Variants in OAS2 observed in about 807,000 individuals in gnomAD.
OAS2 encodes the protein 2'-5'-oligoadenylate synthase 2.
In OAS2, 67 loss-of-function variants were observed where a neutral mutation model predicts 71.3. The ratio of observed to expected loss-of-function variants is 0.94; its 90% CI spans 0.77 to 1.15. The LOEUF (loss-of-function observed/expected upper bound fraction) is 1.15, where lower values mean the gene tolerates loss of function less well. Among genes scored for constraint, OAS2 ranks in the 50% most tolerant of loss-of-function variants. The pLI, the probability that OAS2 is intolerant of heterozygous loss-of-function variation, is 0.00. For synonymous variants in OAS2, 327 were observed against 321.8 expected (o/e 1.02, Z -0.17); for missense variants, 789 against 822.5 (o/e 0.96, Z 0.50).
chr12:112,993,059 GCTC>G (rs1350207995), intron 2 of OAS2, among the ~76,000 whole-genome samples: 4 of 152,100 alleles, frequency 2.6e-5, no homozygotes, highest in Admixed American at 6.6e-5. Context: ...ATTATTATAA[GCTC>G]CTTTTTCTGC....
chr12:112,998,406 T>C lies in OAS2; in HGVS notation c.1004T>C (p.Val335Ala). 1 of 1,609,512 alleles carries C rather than the reference T, an allele frequency of 6.2e-7. No homozygotes were observed. Among genetic ancestry groups the C allele is most frequent in the Non-Finnish European group, 8.5e-7 (1 of 1,178,782 alleles). ...DNELPAPSWNVLPAPLFTTPG... is the reference protein window; with the variant it reads ...DNELPAPSWNALPAPLFTTPG... The stretch of plus-strand genomic sequence containing the variant: ...GAGTTACCTGCACCATCTTGGAATG[T>C]TCTGGTAAGAGGGTTTTCCAAATAC... The change falls in exon 5 of 10, where the codon GTT (valine) becomes GCT (alanine). Residue 335 changes from valine (V) to alanine (A), a missense_variant. Val to Ala is a moderately conservative substitution (Grantham distance 64). Transcript: ENST00000392583.
chr12:112,992,699 G>T (rs1593199237), intron 2 of OAS2, among the ~76,000 whole-genome samples: 2 of 152,268 alleles, frequency 1.3e-5, no homozygotes, highest in African/African-American at 4.8e-5. Context: ...GTACCAGTTT[G>T]GGAGGTTGGC....
intron 1 of OAS2, among the ~76,000 whole-genome samples, chr12:112,979,999 C>T (rs897836345): frequency 6.6e-6 from 1 of 152,122 alleles, no homozygotes; most frequent in African/African-American, 2.4e-5. Context: ...TGCTTTAGTG[C>T]GTGGTTTCTC....
At chr12:113,002,848 A>T in intron 5 of OAS2, 84 bp from the exon 6 acceptor site, 1 of 1,227,896 alleles carries the variant, frequency 8.1e-7, no homozygotes, top group Non-Finnish European at 1.2e-6. Context: ...GAGGCAGGGT[A>T]GGGGGCCCAG....
chr12:113,004,829 T>G (rs1164317101), intron 6 of OAS2, 105 bp from the exon 7 acceptor site: 1 of 1,120,222 alleles, frequency 8.9e-7, no homozygotes, highest in Non-Finnish European at 1.3e-6. Context: ...ACGCAGAACT[T>G]GGCCTTGGAA....
chr12:112,983,947 C>T (rs1039828005), intron 1 of OAS2, among the ~76,000 whole-genome samples: 7 of 152,322 alleles, frequency 4.6e-5, no homozygotes, highest in Non-Finnish European at 1.0e-4. Flanking sequence ...AAATAATCTG[C>T]AAATATTCAT....
At position 113,007,893 on chromosome 12, in the gene OAS2, T is replaced by C. The variant is rs548699707; in HGVS notation, c.1845T>C (p.Phe615=). The change falls in exon 9 of 10, where the codon TTT becomes TTC. Residue 615 remains phenylalanine (F), a synonymous_variant. Coordinates refer to ENST00000392583, the MANE Select transcript of OAS2 (RefSeq NM_002535.3). ...TCTTCTGGAAGGTCAATTACAACTT[T>C]GAAGATGAGACCGTGAGGAAGTTTC... is the stretch of plus-strand genomic sequence containing the variant. ...LCIFWKVNYN[F]EDETVRKFLL... The C allele has an allele frequency of 6.2e-7, 1 of 1,614,144 alleles. No homozygotes were observed. Among genetic ancestry groups the C allele is most frequent in the South Asian group, 1.1e-5 (1 of 91,086 alleles).
Position 113,009,083 on chromosome 12 carries a change from T to G in OAS2, c.1896-4T>G, listed in dbSNP as rs1396452382. 6.2e-7 allele frequency: 1 copy of G among 1,612,504 alleles called. No individual in the cohort carries two copies. Among genetic ancestry groups the G allele is most frequent in the African/African-American group, 1.3e-5 (1 of 74,844 alleles). On this transcript the variant is annotated splice_region_variant and splice_polypyrimidine_tract_variant and intron_variant, in intron 9 of 9. Transcript: ENST00000392583. ...CTCCTAATGCCTTCTAACCTCTCATTCAGGCCTGTGATCTTGGACCCAGCC... is the reference window on the plus strand; with the variant it reads ...CTCCTAATGCCTTCTAACCTCTCATGCAGGCCTGTGATCTTGGACCCAGCC...
chr12:113,005,903 A>AAACAACAACAACAACAAC (rs576604857), intron 7 of OAS2, among the ~76,000 whole-genome samples: 3 of 46,628 alleles, frequency 6.4e-5, no homozygotes, highest in African/African-American at 4.3e-4. Context: ...AAAAAGCAAA[A>AAACAACAACAACAACAAC]AACAACAACA....
Position 113,002,971 on chromosome 12 carries a change from AAGTTCATCAAGGAGTTTCTCC to A in OAS2, c.1051_1071del (p.Phe351_Gln357del). On this transcript the variant is annotated inframe_deletion, in exon 6 of 10. Transcript: ENST00000392583. ...CACGACCCCAGGCCACCTTCTGGATAAGTTCATCAAGGAGTTTCTCCAGCCCAACAAATGCTTCCTAGAGCA... is the reference window on the plus strand; with the variant it reads ...CACGACCCCAGGCCACCTTCTGGATAAGCCCAACAAATGCTTCCTAGAGCA... 1 of 1,614,074 alleles carries A rather than the reference AAGTTCATCAAGGAGTTTCTCC, an allele frequency of 6.2e-7. No homozygotes were observed. Among genetic ancestry groups the A allele is most frequent in the Non-Finnish European group, 8.5e-7 (1 of 1,179,974 alleles).
Position 112,998,381 on chromosome 12 carries a change from G to A in OAS2, c.979G>A (p.Glu327Lys), listed in dbSNP as rs1593202286. 3.7e-6 allele frequency: 6 copies of A among 1,611,616 alleles called. No individual in the cohort carries two copies. The highest frequency in any genetic ancestry group is 5.1e-6 in the Non-Finnish European group (6 of 1,179,462). The change falls in exon 5 of 10, where the codon GAG becomes AAG. Residue 327 changes from glutamate to lysine, a missense_variant. Glu to Lys is a moderately conservative substitution (Grantham distance 56). Transcript: ENST00000392583. ...TWLTSPNLDN[E>K]LPAPSWNVLP... ...GTTGACTTCTCCCAACCTGGATAAT[G>A]AGTTACCTGCACCATCTTGGAATGT...
At chr12:113,007,386 A>G (rs1246267161) in intron 8 of OAS2, among the ~76,000 whole-genome samples, 1 of 152,242 alleles carries the variant, frequency 6.6e-6, no homozygotes, top group East Asian at 1.9e-4. Context: ...AATGCAGGTC[A>G]TGCTGCCTGC....
intron 5 of OAS2, among the ~76,000 whole-genome samples, chr12:112,999,652 C>T (rs925226872): frequency 5.1e-4 from 78 of 152,318 alleles, no homozygotes; most frequent in African/African-American, 1.7e-3. Flanking sequence ...CTGTGCCCAC[C>T]CTAACCCCTA....
intron 2 of OAS2, among the ~76,000 whole-genome samples, chr12:112,992,373 G>A (rs992656302): frequency 2.2e-4 from 32 of 147,456 alleles, no homozygotes; most frequent in African/African-American, 7.3e-4. Context: ...CCTGGACAAC[G>A]GAGCAAGATC....
intron 8 of OAS2, among the ~76,000 whole-genome samples, chr12:113,006,941 A>C (rs944408364): frequency 6.6e-6 from 1 of 152,120 alleles, no homozygotes; most frequent in Non-Finnish European, 1.5e-5. Flanking sequence ...CCCGGCGCAC[A>C]TGCTCTCTCT....
At chr12:113,007,980 A>C (rs773882631) in intron 9 of OAS2, 37 bp downstream of exon 9, 2 of 1,453,712 alleles carry the variant, frequency 1.4e-6, no homozygotes, top group African/African-American at 2.8e-5. Context: ...TCTTAACCTG[A>C]TTCCCTTGAA....
At chr12:113,001,707 TA>T (rs1284841162) in intron 5 of OAS2, among the ~76,000 whole-genome samples, 2 of 151,268 alleles carry the variant, frequency 1.3e-5, no homozygotes, top group African/African-American at 2.4e-5. Flanking sequence ...ACTCCAACTC[TA>T]ACCCTCCTGC....
At chr12:112,982,238 GC>G (rs1427314304) in intron 1 of OAS2, among the ~76,000 whole-genome samples, 2 of 152,084 alleles carry the variant, frequency 1.3e-5, no homozygotes, top group Non-Finnish European at 2.9e-5. Context: ...TTTTGGGATT[GC>G]TTTGGCTAGG....
At chr12:112,997,106 C>T (rs1253195892) in intron 3 of OAS2, among the ~76,000 whole-genome samples, 1 of 152,112 alleles carries the variant, frequency 6.6e-6, no homozygotes, top group Non-Finnish European at 1.5e-5. Context: ...ACTTCCTTGG[C>T]TACTGTTTTA....
Sources: allele counts gnomAD v4.1 joint callset (sites outside exome capture counted in the v4.1 genomes callset), GRCh38; gene constraint gnomAD v4.1.1; transcripts MANE v1.5; gene names NCBI Gene and HGNC (gene_info 2026-07-23, HGNC 2026-07-21).